Variants in AHI1 observed in about 807,000 individuals in gnomAD.
AHI1 encodes Abelson helper integration site 1.
In AHI1, 123 loss-of-function variants were observed where a neutral mutation model predicts 149.3. The ratio of observed to expected loss-of-function variants is 0.82; its 90% CI spans 0.71 to 0.96. AHI1 has a LOEUF of 0.96. Among genes scored for constraint, AHI1 ranks in the 40% least tolerant of loss-of-function variants. The pLI is 0.00. For missense variants in AHI1, 1,439 were observed against 1,422.7 expected, an observed-to-expected ratio of 1.01 and a Z score of -0.18; for synonymous variants, 475 against 459.8, an observed-to-expected ratio of 1.03 and a Z score of -0.42.
chr6:135,316,513 T>A (rs1785971637), intron 26 of AHI1, among the ~76,000 whole-genome samples: 1 of 152,134 alleles, frequency 6.6e-6, no homozygotes, highest in Non-Finnish European at 1.5e-5. Context: ...TGCTTGGCTG[T>A]TTCCAACTAT....
intron 22 of AHI1, among the ~76,000 whole-genome samples, chr6:135,398,019 G>T: frequency 6.8e-6 from 1 of 147,972 alleles, no homozygotes; most frequent in African/African-American, 2.5e-5. Context: ...TGGCAGTTCT[G>T]GTGGCATTAG....
chr6:135,380,731 A>AAC (rs1776620230), intron 23 of AHI1, among the ~76,000 whole-genome samples: 51 of 56,044 alleles, frequency 9.1e-4, no homozygotes, highest in East Asian at 2.0e-3. Flanking sequence ...AAGTAAAATA[A>AAC]CCCCCCCCCC....
At chr6:135,438,625 C>T in intron 14 of AHI1, 127 bp from the exon 15 acceptor site, 1 of 720,772 alleles carries the variant, frequency 1.4e-6, no homozygotes, top group Non-Finnish European at 1.9e-6. Flanking sequence ...AAGACATTTG[C>T]AGCACAGAGA....
At chr6:135,392,311 G>C (rs1021427961) in intron 23 of AHI1, among the ~76,000 whole-genome samples, 1 of 152,138 alleles carries the variant, frequency 6.6e-6, no homozygotes, top group Non-Finnish European at 1.5e-5. Flanking sequence ...TCAAAGAAGA[G>C]AGAAATGCTT....
At position 135,394,791 on chromosome 6, in the gene AHI1, C is replaced by G; in HGVS notation, c.3094G>C (p.Gly1032Arg). 6.2e-7 allele frequency: 1 copy of G among 1,610,126 alleles called. No homozygotes were observed. Among genetic ancestry groups the G allele is most frequent in the Non-Finnish European group, 8.5e-7 (1 of 1,177,844 alleles). Residue 1032 changes from glycine (G) to arginine (R), a missense_variant, in exon 23 of 29, where the codon GGT (glycine) becomes CGT (arginine). Physicochemically the swap from Gly to Arg is moderately radical, Grantham distance 125. Transcript: ENST00000265602. ...LTAQEILHQF[G>R]FTQTGIISIE... ...AGGGGCTCACCGGTCTGAGTGAAAC[C>G]AAACTGATGTAGAATCTCTTGAGCG...
intron 26 of AHI1, chr6:135,300,778 A>G: frequency 8.6e-7 from 1 of 1,163,562 alleles, no homozygotes; most frequent in Admixed American, 4.5e-5. Context: ...GAGTTCAAAC[A>G]CTCATTTATA....
chr6:135,490,271 A>G (rs572095614), intron 5 of AHI1: 2 of 715,216 alleles, frequency 2.8e-6, no homozygotes, highest in African/African-American at 3.5e-5. Flanking sequence ...AGCACAAGCT[A>G]TTCAATATCT....
chr6:135,475,301 A>G (rs1792422952), intron 5 of AHI1, among the ~76,000 whole-genome samples: 1 of 152,168 alleles, frequency 6.6e-6, no homozygotes, highest in East Asian at 1.9e-4. Flanking sequence ...CTTGTTTCCC[A>G]ATCAGCCTGG....
intron 24 of AHI1, among the ~76,000 whole-genome samples, chr6:135,355,096 T>C (rs961450468): frequency 2.0e-5 from 3 of 152,134 alleles, no homozygotes; most frequent in African/African-American, 7.2e-5. Flanking sequence ...GTAAAGGCAA[T>C]TGACAAGTAT....
Position 135,310,089 on chromosome 6 carries a change from C to G in AHI1, c.3426+8430G>C, listed in dbSNP as rs1305312912. On this transcript the variant is annotated intron_variant, in intron 26 of 28. Coordinates refer to ENST00000265602, the MANE Select transcript of AHI1 (RefSeq NM_001134831.2). ...CAATGATTTAGTATATATTAACTAA[C>G]TACTGGCTATTTGGAAAACCTGTTT... is the stretch of plus-strand genomic sequence containing the variant. Among the ~76,000 whole-genome samples, 3 of 152,098 alleles carry G rather than the reference C, an allele frequency of 2.0e-5. No individual in the cohort carries two copies. In the South Asian group the frequency reaches 6.2e-4, roughly 31 times the overall value.
At chr6:135,474,348 G>T (rs570891079) in intron 5 of AHI1, among the ~76,000 whole-genome samples, 6 of 152,048 alleles carry the variant, frequency 3.9e-5, no homozygotes, top group African/African-American at 1.4e-4. Context: ...CATTCGTCAG[G>T]GTCTCCAGTA....
intron 26 of AHI1, among the ~76,000 whole-genome samples, chr6:135,317,607 TG>T (rs1786165849): frequency 6.6e-6 from 1 of 152,076 alleles, no homozygotes; most frequent in African/African-American, 2.4e-5. Flanking sequence ...CTACTGGACT[TG>T]CTTGCTTGCA....
intron 24 of AHI1, among the ~76,000 whole-genome samples, chr6:135,331,163 A>T (rs961200103): frequency 2.0e-5 from 3 of 152,148 alleles, no homozygotes; most frequent in African/African-American, 7.2e-5. Context: ...CAGCAATATG[A>T]CTCAAATCTT....
At chr6:135,377,651 T>A (rs1467034213) in intron 23 of AHI1, among the ~76,000 whole-genome samples, 3 of 151,968 alleles carry the variant, frequency 2.0e-5, no homozygotes, top group Admixed American at 6.6e-5. Flanking sequence ...AGCTACTTTT[T>A]AAATTTTTTT....
intron 23 of AHI1, among the ~76,000 whole-genome samples, chr6:135,372,366 C>T (rs986206346): frequency 5.3e-5 from 8 of 151,918 alleles, no homozygotes; most frequent in Non-Finnish European, 1.0e-4. Flanking sequence ...CCAAAACAAA[C>T]AAAAAACAAC....
At chr6:135,376,255 C>T (rs1424049645) in intron 23 of AHI1, among the ~76,000 whole-genome samples, 2 of 152,156 alleles carry the variant, frequency 1.3e-5, no homozygotes, top group African/African-American at 2.4e-5. Flanking sequence ...AGTAGGGTTA[C>T]TAAGCCCACT....
At chr6:135,436,798 C>T (rs1785467728) in intron 15 of AHI1, among the ~76,000 whole-genome samples, 2 of 152,156 alleles carry the variant, frequency 1.3e-5, no homozygotes, top group African/African-American at 4.8e-5. Context: ...GACAGGGTTT[C>T]GCCATGTTGG....
At chr6:135,299,325 A>G (rs1783558436) in intron 27 of AHI1, among the ~76,000 whole-genome samples, 1 of 152,222 alleles carries the variant, frequency 6.6e-6, no homozygotes, top group Admixed American at 6.5e-5. Context: ...CTGAATCAGA[A>G]TTTTTGTACT....
intron 23 of AHI1, chr6:135,388,182 CTTTTACCTA>C: frequency 1.2e-6 from 1 of 813,426 alleles, no homozygotes; most frequent in Non-Finnish European, 1.9e-6. Context: ...GAATTAATGC[CTTTTACCTA>C]TTGTACCACC....
Sources: gnomAD v4.1 joint callset for allele counts (sites outside exome capture counted in the v4.1 genomes callset) on GRCh38, gnomAD v4.1.1 for gene constraint, MANE v1.5 for transcripts, NCBI Gene and HGNC (gene_info 2026-07-23, HGNC 2026-07-21) for gene names.